The following EPHB3 variants were observed in gnomAD, a reference collection of about 807,000 sequenced individuals.
EPHB3 encodes ephrin type-B receptor 3.
Under a neutral mutation model 100.2 loss-of-function variants are expected in EPHB3, and 33 were observed. That is an observed-to-expected ratio of 0.33 (90% CI 0.25 to 0.44). The LOEUF (loss-of-function observed/expected upper bound fraction) is 0.44, where lower values mean the gene tolerates loss of function less well. Ranked by LOEUF, EPHB3 falls within the 20% of genes least tolerant of loss-of-function variation. The pLI is 1.00. For synonymous variants in EPHB3, 526 were observed against 554.7 expected (o/e 0.95, Z 0.73); for missense variants, 1,045 against 1,378.3 (o/e 0.76, Z 3.83).
chr3:184,568,382 A>C (rs1180401595), intron 1 of EPHB3, among the ~76,000 whole-genome samples: 5 of 152,100 alleles, frequency 3.3e-5, no homozygotes, highest in Admixed American at 6.5e-5. Context: ...ACGGCGAGGG[A>C]TGGGGTGCAG....
chr3:184,564,858 T>C (rs1714344145), intron 1 of EPHB3, among the ~76,000 whole-genome samples: 1 of 152,148 alleles, frequency 6.6e-6, no homozygotes, highest in Non-Finnish European at 1.5e-5. Flanking sequence ...TCCATAGCAC[T>C]GAAGATCTCT....
intron 1 of EPHB3, among the ~76,000 whole-genome samples, chr3:184,566,276 G>A (rs180840082): frequency 7.9e-5 from 12 of 152,340 alleles, no homozygotes; most frequent in African/African-American, 2.4e-4. Flanking sequence ...TGAGCACCGA[G>A]GCGTTTGGGC....
At position 184,562,165 on chromosome 3, in the gene EPHB3, G is replaced by A. The variant is rs988800368; in HGVS notation, c.-71G>A. 2 of 227,630 alleles carry A rather than the reference G, an allele frequency of 8.8e-6. No homozygotes were observed. The highest frequency in any genetic ancestry group is 4.7e-5 in the African/African-American group (2 of 42,658). 14.1% of individuals were successfully genotyped at this position (227,630 alleles called of 1,614,324 possible). ...GAGCCCGCCGAGCGCACCCTCTCTCGGGTGCCTGCAGCCCCGCCGGCGCGG... is the reference window on the plus strand; with the variant it reads ...GAGCCCGCCGAGCGCACCCTCTCTCAGGTGCCTGCAGCCCCGCCGGCGCGG... On this transcript the variant is annotated 5_prime_UTR_variant, in exon 1 of 16. Coordinates refer to ENST00000330394, the MANE Select transcript of EPHB3 (RefSeq NM_004443.4). The surrounding 1 kb of genome is among the most constrained non-coding windows in gnomAD (Gnocchi z 4.8).
intron 1 of EPHB3, among the ~76,000 whole-genome samples, chr3:184,566,933 C>A (rs1714399270): frequency 6.6e-6 from 1 of 152,140 alleles, no homozygotes; most frequent in Non-Finnish European, 1.5e-5. Flanking sequence ...GGGGCCTGGC[C>A]CTCCACCAGG....
chr3:184,577,205 G>A lies in EPHB3; in HGVS notation c.1354+22G>A. On this transcript the variant is annotated intron_variant, in intron 5 of 15. Transcript: ENST00000330394. The surrounding 1 kb of genome is among the most constrained non-coding windows in gnomAD (Gnocchi z 4.9). ...GCTGGTGAGGAGGGGACACTGGAGG[G>A]TAGGGCCTGGGTCACTTTCTCCTGG... The A allele has an allele frequency of 6.3e-7, 1 of 1,579,242 alleles. No individual in the cohort carries two copies. The highest frequency in any genetic ancestry group is 8.6e-7 in the Non-Finnish European group (1 of 1,159,460).
At chr3:184,570,507 G>A (rs561593567) in intron 1 of EPHB3, among the ~76,000 whole-genome samples, 28 of 152,332 alleles carry the variant, frequency 1.8e-4, no homozygotes, top group African/African-American at 6.5e-4. Context: ...TTGGGGCTTT[G>A]GTGGTCCCCT....
At position 184,581,786 on chromosome 3, in the gene EPHB3, C is replaced by T; in HGVS notation, c.*164C>T. 1 of 665,176 alleles carries T rather than the reference C, an allele frequency of 1.5e-6. No individual in the cohort carries two copies. Among genetic ancestry groups the T allele is most frequent in the South Asian group, 2.0e-5 (1 of 49,114 alleles). 41.2% of individuals were successfully genotyped at this position (665,176 alleles called of 1,614,324 possible). On this transcript the variant is annotated 3_prime_UTR_variant, in exon 16 of 16. Transcript: ENST00000330394. ...ACTTCTCCAGGCCTGTGTTCCCTCC[C>T]CAGGAAGTGCGCCCCAAACCTCTTC...
rs201110326 is a variant in EPHB3, at chr3:184,582,279, C to T, written c.*657C>T. On this transcript the variant is annotated 3_prime_UTR_variant, in exon 16 of 16. Transcript: ENST00000330394. ...GTGTGTGTGTGTGTGTGTGTGTGTGCGCGCGCGCGCGCGTGTGTGTGTGCA... is the reference window on the plus strand; with the variant it reads ...GTGTGTGTGTGTGTGTGTGTGTGTGTGCGCGCGCGCGCGTGTGTGTGTGCA... 769 of 68,364 alleles carry T rather than the reference C, an allele frequency of 0.011. 5 individuals are homozygous for T. The highest frequency in any genetic ancestry group is 0.017 in the Admixed American group (144 of 8,348). The allele number at this position is 68,364 out of a possible 1,614,324, so 4.2% of individuals were successfully genotyped here.
Position 184,565,961 on chromosome 3 carries a change from A to G in EPHB3, c.118+3608A>G, listed in dbSNP as rs1046932173. Among the ~76,000 whole-genome samples the G allele has an allele frequency of 2.0e-5, 3 of 152,184 alleles. No homozygotes were observed. The highest frequency in any genetic ancestry group is 1.3e-4 in the Admixed American group (2 of 15,282). On this transcript the variant is annotated intron_variant, in intron 1 of 15. Transcript: ENST00000330394. This position sits in a 1 kb window ranked among gnomAD's most constrained non-coding sequence, Gnocchi z 4.8. ...GAAGAGGCTGAATCACCAGGCCTGC[A>G]TAGTTTGAAAATTGTAGCCCTGCCT... is the stretch of plus-strand genomic sequence containing the variant.
intron 1 of EPHB3, among the ~76,000 whole-genome samples, chr3:184,568,071 C>G (rs1714439850): frequency 6.6e-6 from 1 of 152,110 alleles, no homozygotes; most frequent in East Asian, 1.9e-4. Flanking sequence ...CTCTTTAGCC[C>G]CAGTGGCGGG....
intron 1 of EPHB3, among the ~76,000 whole-genome samples, chr3:184,566,528 G>A (rs1423710569): frequency 6.6e-6 from 1 of 152,194 alleles, no homozygotes; most frequent in Non-Finnish European, 1.5e-5. Context: ...CCCCCAAGAC[G>A]CCTTGATCCT....
In EPHB3 at chr3:184,577,272, C is replaced by T. The variant is rs1012682713; in HGVS notation, c.1355-71C>T. On this transcript the variant is annotated intron_variant, in intron 5 of 15. Coordinates refer to ENST00000330394, the MANE Select transcript of EPHB3 (RefSeq NM_004443.4). This position sits in a 1 kb window ranked among gnomAD's most constrained non-coding sequence, Gnocchi z 4.9. ...CCTGCTAAGGGACCACTGGGGGTCC[C>T]ATGGGAAGTGGGTCTTTGGGAAGGA... is the stretch of plus-strand genomic sequence containing the variant. The T allele has an allele frequency of 1.3e-6, 2 of 1,589,482 alleles. No homozygotes were observed. The highest frequency in any genetic ancestry group is 4.5e-5 in the East Asian group (2 of 44,558).
At position 184,573,252 on chromosome 3, in the gene EPHB3, C is replaced by T. The variant is rs1714587627; in HGVS notation, c.856+76C>T. On this transcript the variant is annotated intron_variant, in intron 3 of 15. Coordinates refer to ENST00000330394, the MANE Select transcript of EPHB3 (RefSeq NM_004443.4). The surrounding 1 kb of genome is among the most constrained non-coding windows in gnomAD (Gnocchi z 4.5). ...AGCTACCTACCGCCCCGCCCCCCAC[C>T]CCTGCTTGCTATCTGACTAGGAGGT... The T allele has an allele frequency of 5.1e-6, 8 of 1,567,380 alleles. No individual in the cohort carries two copies. Among genetic ancestry groups the T allele is most frequent in the Non-Finnish European group, 6.9e-6 (8 of 1,159,792 alleles).
In EPHB3 at chr3:184,568,337, C is replaced by T. The variant is rs540261990; in HGVS notation, c.119-2981C>T. ...GCCCAGTGTCTAGGGTGGCCAGCCTCTTCTCCCCTCTGCCTCCTGCAGATA... is the reference window on the plus strand; with the variant it reads ...GCCCAGTGTCTAGGGTGGCCAGCCTTTTCTCCCCTCTGCCTCCTGCAGATA... On this transcript the variant is annotated intron_variant, in intron 1 of 15. Transcript: ENST00000330394. 4.6e-5 allele frequency among the ~76,000 whole-genome samples: 7 copies of T among 152,302 alleles called. No individual in the cohort carries two copies. The South Asian group carries it at 1.5e-3, about 32-fold the overall frequency.
Position 184,576,046 on chromosome 3 carries a change from G to T in EPHB3, c.1012+61G>T, listed in dbSNP as rs899282608. 1.6e-5 allele frequency: 24 copies of T among 1,532,260 alleles called. No homozygotes were observed. In the African/African-American group the frequency reaches 1.7e-4, roughly 11 times the overall value. 94.9% of individuals were successfully genotyped at this position (1,532,260 alleles called of 1,614,324 possible). On this transcript the variant is annotated intron_variant, in intron 4 of 15. Transcript: ENST00000330394. Reference sequence around the variant, plus strand: ...GCCTTCCCTCTGGGGGGCCAGCCTGGGAAGCCTAAGCAGTCACTATGAATA... The same window carrying T: ...GCCTTCCCTCTGGGGGGCCAGCCTGTGAAGCCTAAGCAGTCACTATGAATA...
In EPHB3 at chr3:184,571,337, A is replaced by T; in HGVS notation, c.138A>T (p.Lys46Asn). The T allele has an allele frequency of 6.2e-7, 1 of 1,614,014 alleles. No individual in the cohort carries two copies. The highest frequency in any genetic ancestry group is 8.5e-7 in the Non-Finnish European group (1 of 1,179,952). The change falls in exon 2 of 16, where the codon AAA (lysine) becomes AAT (asparagine). Residue 46 changes from lysine (K) to asparagine (N), a missense_variant. Lys to Asn is a moderately conservative substitution (Grantham distance 94, BLOSUM62 0). Transcript: ENST00000330394. The surrounding 1 kb of genome is among the most constrained non-coding windows in gnomAD (Gnocchi z 5.0). The stretch of plus-strand genomic sequence containing the variant: ...CTCCAGAGACCCTCATGGACACAAA[A>T]TGGGTAACATCTGAGTTGGCGTGGA... ...RALEETLMDT[K>N]WVTSELAWTS...
In EPHB3 at chr3:184,572,686, C is replaced by A. The variant is rs752270189; in HGVS notation, c.366C>A (p.Ile122=). 1.2e-6 allele frequency: 2 copies of A among 1,606,966 alleles called. No individual in the cohort carries two copies. Among genetic ancestry groups the A allele is most frequent in the Non-Finnish European group, 1.7e-6 (2 of 1,176,826 alleles). Residue 122 remains isoleucine, a synonymous_variant, in exon 3 of 16, where the codon ATC becomes ATA. Transcript: ENST00000330394. The surrounding 1 kb of genome is among the most constrained non-coding windows in gnomAD (Gnocchi z 6.6). ...TVRDCNSIPN[I]PGSCKETFNL... ...GTGACTGCAACAGCATCCCCAACAT[C>A]CCCGGCTCCTGCAAGGAGACCTTCA...
In EPHB3 at chr3:184,577,823, T is replaced by C. The variant is rs1029596497; in HGVS notation, c.1639+6T>C. 3 of 1,605,366 alleles carry C rather than the reference T, an allele frequency of 1.9e-6. No individual in the cohort carries two copies. The highest frequency in any genetic ancestry group is 2.6e-6 in the Non-Finnish European group (3 of 1,174,108). Reference sequence around the variant, plus strand: ...TGAGACCACAAGTGAGAGAGGTTAGTAGCCCCCTGCGCCTGTCCCCATCGC... The same window carrying C: ...TGAGACCACAAGTGAGAGAGGTTAGCAGCCCCCTGCGCCTGTCCCCATCGC... On this transcript the variant is annotated splice_donor_region_variant and intron_variant, in intron 7 of 15. Transcript: ENST00000330394. The surrounding 1 kb of genome is among the most constrained non-coding windows in gnomAD (Gnocchi z 4.9).
chr3:184,564,184 A>G (rs1714325591), intron 1 of EPHB3, among the ~76,000 whole-genome samples: 1 of 152,160 alleles, frequency 6.6e-6, no homozygotes, highest in Non-Finnish European at 1.5e-5. Flanking sequence ...TTCGTTCCCC[A>G]TTCCCGGCCT....
Sources: gnomAD v4.1 joint callset for allele counts (sites outside exome capture counted in the v4.1 genomes callset) on GRCh38, gnomAD v4.1.1 for gene constraint, Gnocchi (gnomAD v3.1) non-coding constraint, MANE v1.5 for transcripts, NCBI Gene and HGNC (gene_info 2026-07-23, HGNC 2026-07-21) for gene names.